Variants in ING5 observed in about 807,000 individuals in gnomAD.
ING5 encodes the protein inhibitor of growth protein 5.
Under a neutral mutation model 37.4 loss-of-function variants are expected in ING5, and 17 were observed. The observed-to-expected ratio is 0.45, with a 90% CI of 0.31 to 0.68. ING5 has a LOEUF of 0.68. Among genes scored for constraint, ING5 ranks in the 30% least tolerant of loss-of-function variants. The pLI is 0.05. For synonymous variants in ING5, 123 were observed against 116.6 expected (o/e 1.06, Z -0.36); for missense variants, 233 against 311.9 (o/e 0.75, Z 1.91).
intron 2 of ING5, among the ~76,000 whole-genome samples, chr2:241,693,032 G>A (rs1052694476): frequency 5.9e-5 from 9 of 151,920 alleles, no homozygotes; most frequent in Admixed American, 5.3e-4. Context: ...AGGCAGAGGC[G>A]GGCAGATCAC....
chr2:241,715,445 G>A (rs66506058), intron 5 of ING5, among the ~76,000 whole-genome samples: 54,471 of 145,328 alleles, frequency 0.37, 10,288 homozygotes, highest in South Asian at 0.5. Context: ...ATCCACCCAC[G>A]TTGGCCTCCC....
intron 3 of ING5, 41 bp from the exon 4 acceptor site, chr2:241,711,336 T>G: frequency 7.2e-7 from 1 of 1,379,494 alleles, no homozygotes; most frequent in Non-Finnish European, 9.7e-7. Context: ...TGAGGTGTTT[T>G]GGTTTTACTT....
intron 1 of ING5, among the ~76,000 whole-genome samples, chr2:241,703,804 C>T (rs1245173501): frequency 6.6e-6 from 1 of 152,092 alleles, no homozygotes; most frequent in African/African-American, 2.4e-5. Flanking sequence ...CAGGGTTTCA[C>T]CATGTTGGCC....
At chr2:241,708,884 AAG>A in intron 2 of ING5, among the ~76,000 whole-genome samples, 1 of 152,332 alleles carries the variant, frequency 6.6e-6, no homozygotes, top group Admixed American at 6.5e-5. Context: ...AAAGGGAAAA[AAG>A]AGTAGTATGC....
intron 7 of ING5, among the ~76,000 whole-genome samples, chr2:241,724,321 G>C (rs1012892311): frequency 2.0e-5 from 3 of 152,236 alleles, no homozygotes; most frequent in African/African-American, 7.2e-5. Context: ...GCCCCACGCC[G>C]TGCGGCTGGG....
At chr2:241,722,141 GGGA>G (rs1207444972) in intron 5 of ING5, 7 of 985,302 alleles carry the variant, frequency 7.1e-6, no homozygotes, top group Admixed American at 1.2e-4. Flanking sequence ...CTGTTCTCTT[GGGA>G]GGAGGTCACA....
chr2:241,723,916 G>T, intron 7 of ING5: 3 of 1,310,428 alleles, frequency 2.3e-6, no homozygotes, highest in South Asian at 2.5e-5. Context: ...AGGCGGAGGC[G>T]GGAGGATGGC....
At chr2:241,709,424 ACTC>A (rs1559304601) in intron 3 of ING5, 42 bp downstream of exon 3, 4 of 1,544,204 alleles carry the variant, frequency 2.6e-6, no homozygotes, top group South Asian at 1.2e-5. Context: ...TCTGACCTCT[ACTC>A]CTGCCTCTCA....
At chr2:241,722,690 C>T (rs2070461911) in intron 5 of ING5, 1 of 985,282 alleles carries the variant, frequency 1.0e-6, no homozygotes, top group Admixed American at 6.1e-5. Flanking sequence ...GGTGTGTATT[C>T]AGTTAGTGCA....
At chr2:241,695,866 A>C (rs1334026743) in intron 2 of ING5, among the ~76,000 whole-genome samples, 1 of 152,216 alleles carries the variant, frequency 6.6e-6, no homozygotes, top group Non-Finnish European at 1.5e-5. Context: ...ACTACAATGA[A>C]ATAGATCTAG....
Position 241,728,463 on chromosome 2 carries a change from T to C in ING5, c.*3432T>C, listed in dbSNP as rs1457153108. 6.5e-6 allele frequency: 1 copy of C among 152,746 alleles called. No homozygotes were observed. The highest frequency in any genetic ancestry group is 1.5e-5 in the Non-Finnish European group (1 of 68,096). The allele number at this position is 152,746 out of a possible 1,614,324, so 9.5% of individuals were successfully genotyped here. A position where few individuals can be genotyped will look rare whatever the true frequency, so the allele number is the denominator to read the frequency against. On this transcript the variant is annotated 3_prime_UTR_variant, in exon 8 of 8. Transcript: ENST00000313552. ...TCTGTGGCTGTGCGATTGACCTCGA[T>C]GGGAAGGAGCGTTCTACCCATTTTC...
intron 5 of ING5, chr2:241,720,678 C>T: frequency 1.0e-6 from 1 of 985,568 alleles, no homozygotes; most frequent in Non-Finnish European, 1.2e-6. Context: ...GGCTCGCTGG[C>T]ACCGTCTGGC....
upstream of ING5, among the ~76,000 whole-genome samples, chr2:241,700,196 G>T (rs1295381550): frequency 8.5e-6 from 1 of 117,558 alleles, no homozygotes; most frequent in Non-Finnish European, 1.7e-5. Flanking sequence ...TTGCTCTGTC[G>T]CCCAGGCTGG....
chr2:241,699,556 A>G (rs1234067271), upstream of ING5, among the ~76,000 whole-genome samples: 1 of 152,068 alleles, frequency 6.6e-6, no homozygotes, highest in East Asian at 1.9e-4. Context: ...TACGGATTTG[A>G]GTCACAGCAG....
chr2:241,720,359 G>T (rs1226176247), intron 5 of ING5: 4 of 1,195,302 alleles, frequency 3.3e-6, no homozygotes, highest in Non-Finnish European at 4.1e-6. Context: ...GGACCCAGGC[G>T]CACGCACCAT....
At chr2:241,724,934 C>G in intron 7 of ING5, 55 bp from the exon 8 acceptor site, 1 of 1,582,296 alleles carries the variant, frequency 6.3e-7, no homozygotes, top group Non-Finnish European at 8.6e-7. Context: ...CCCTGGGCAC[C>G]CTGCGCGCTG....
chr2:241,690,341 G>A (rs946782323), exon 2 of ING5: 2 of 344,418 alleles, frequency 5.8e-6, no homozygotes, highest in Non-Finnish European at 1.0e-5. Context: ...GTGGCTCACA[G>A]CATTAAGATA....
intron 4 of ING5, 41 bp downstream of exon 4, chr2:241,711,529 A>C: frequency 7.3e-7 from 1 of 1,365,830 alleles, no homozygotes; most frequent in Non-Finnish European, 1.0e-6. Context: ...ATTACTGTTA[A>C]CTATGGAGTT....
intron 5 of ING5, among the ~76,000 whole-genome samples, chr2:241,714,922 TTTAG>T (rs2070221746): frequency 6.6e-6 from 1 of 152,134 alleles, no homozygotes; most frequent in Non-Finnish European, 1.5e-5. Flanking sequence ...AGAACTAGCT[TTTAG>T]TTTCATTATT....
Sources: gnomAD v4.1 joint callset for allele counts (sites outside exome capture counted in the v4.1 genomes callset) on GRCh38, gnomAD v4.1.1 for gene constraint, MANE v1.5 for transcripts, NCBI Gene and HGNC (gene_info 2026-07-23, HGNC 2026-07-21) for gene names.